The following LRBA variants were observed in gnomAD, a reference collection of about 807,000 sequenced individuals.
LRBA encodes the protein LPS responsive beige-like anchor protein.
A neutral mutation model predicts 330.0 loss-of-function variants in LRBA; 176 were observed. The observed-to-expected ratio is 0.53, with a 90% confidence interval of 0.47 to 0.60. The LOEUF (loss-of-function observed/expected upper bound fraction) is 0.60, where lower values mean the gene tolerates loss of function less well. Ranked by LOEUF, LRBA falls within the 20% of genes least tolerant of loss-of-function variation. The pLI, the probability that LRBA is intolerant of heterozygous loss-of-function variation, is 0.00. For synonymous variants in LRBA, 1,230 were observed against 1,193.0 expected (o/e 1.03, Z -0.64); for missense variants, 3,259 against 3,444.8 (o/e 0.95, Z 1.35).
At chr4:150,932,347 G>A (rs1182537801) in intron 2 of LRBA, among the ~76,000 whole-genome samples, 3 of 148,966 alleles carry the variant, frequency 2.0e-5, no homozygotes, top group Non-Finnish European at 4.4e-5. Flanking sequence ...ATATCTGCTT[G>A]TGGGAACTAG....
chr4:150,344,803 G>A (rs1392826520), intron 48 of LRBA, among the ~76,000 whole-genome samples: 4 of 152,040 alleles, frequency 2.6e-5, no homozygotes, highest in African/African-American at 9.7e-5. Flanking sequence ...CTCTTGCCTT[G>A]GCCTCCAAAA....
intron 29 of LRBA, among the ~76,000 whole-genome samples, chr4:150,831,215 T>A (rs76727083): frequency 1.3e-5 from 2 of 151,484 alleles, no homozygotes; most frequent in Non-Finnish European, 2.9e-5. Flanking sequence ...TTTTTTTTTT[T>A]AGCACTTTCA....
chr4:150,861,810 G>C (rs1464280840), intron 22 of LRBA, among the ~76,000 whole-genome samples: 1 of 151,952 alleles, frequency 6.6e-6, no homozygotes, highest in Non-Finnish European at 1.5e-5. Context: ...CAAACACATT[G>C]TACAGTTGTA....
At chr4:150,874,316 T>G (rs1283059728) in intron 17 of LRBA, among the ~76,000 whole-genome samples, 1 of 152,134 alleles carries the variant, frequency 6.6e-6, no homozygotes, top group African/African-American at 2.4e-5. Context: ...ATGGAGATAC[T>G]GTGAGGGAAA....
intron 44 of LRBA, among the ~76,000 whole-genome samples, chr4:150,451,816 G>T (rs1425497492): frequency 6.6e-6 from 1 of 151,902 alleles, no homozygotes; most frequent in Non-Finnish European, 1.5e-5. Context: ...ATGAATGAAG[G>T]GACAACTTAG....
intron 56 of LRBA, among the ~76,000 whole-genome samples, chr4:150,266,772 G>A (rs1449125189): frequency 6.6e-6 from 1 of 152,184 alleles, no homozygotes; most frequent in Non-Finnish European, 1.5e-5. Flanking sequence ...GGAAGAGATT[G>A]GCAGAATGGA....
At chr4:150,832,841 C>T (rs1747400609) in intron 28 of LRBA, among the ~76,000 whole-genome samples, 1 of 152,102 alleles carries the variant, frequency 6.6e-6, no homozygotes, top group Admixed American at 6.6e-5. Context: ...ACAATCATAG[C>T]TCACTGTACC....
intron 34 of LRBA, among the ~76,000 whole-genome samples, chr4:150,795,608 T>C (rs760791993): frequency 2.6e-5 from 4 of 152,006 alleles, no homozygotes; most frequent in Non-Finnish European, 5.9e-5. Context: ...CCAACTCTAA[T>C]TAATAACATT....
At chr4:150,359,403 T>G (rs896663762) in intron 47 of LRBA, among the ~76,000 whole-genome samples, 1 of 152,082 alleles carries the variant, frequency 6.6e-6, no homozygotes, top group South Asian at 2.1e-4. Flanking sequence ...ATCAAGAAAG[T>G]AGCATCCGGA....
chr4:150,494,999 CAAA>C (rs1011632988), intron 40 of LRBA, among the ~76,000 whole-genome samples: 3 of 124,496 alleles, frequency 2.4e-5, no homozygotes, highest in Admixed American at 8.2e-5. Flanking sequence ...GACTCTGTCT[CAAA>C]AAAAAAAAAA....
At chr4:150,758,396 C>T (rs551673155) in intron 35 of LRBA, among the ~76,000 whole-genome samples, 142 of 152,174 alleles carry the variant, frequency 9.3e-4, no homozygotes, top group Middle Eastern at 3.4e-3. Context: ...AAGAGTGATG[C>T]CTGGCTTTCT....
intron 44 of LRBA, among the ~76,000 whole-genome samples, chr4:150,467,213 T>C (rs571543420): frequency 4.6e-5 from 7 of 152,266 alleles, no homozygotes; most frequent in African/African-American, 1.7e-4. Context: ...ACTTTTTTAA[T>C]AGTCAGTTTG....
intron 40 of LRBA, among the ~76,000 whole-genome samples, chr4:150,509,678 G>C (rs1247782262): frequency 6.6e-6 from 1 of 150,960 alleles, no homozygotes; most frequent in Non-Finnish European, 1.5e-5. Flanking sequence ...CCAGAGATTA[G>C]GGAAAAAAAA....
rs181895660 is a variant in LRBA at position 150,727,301 on chromosome 4, T to C, written c.5754+7957A>G. Among the ~76,000 whole-genome samples the C allele has an allele frequency of 2.5e-3, 381 of 152,186 alleles. 1 individual carries two copies. The highest frequency in any genetic ancestry group is 8.8e-3 in the African/African-American group (365 of 41,548). ...GTTGGCCAGGCTGGTCTCAAACTCC[T>C]GACCTCAGGTGATCCACCTGCCTCA... On this transcript the variant is annotated intron_variant, in intron 36 of 56. Coordinates refer to ENST00000651943, the MANE Select transcript of LRBA (RefSeq NM_001364905.1).
intron 34 of LRBA, among the ~76,000 whole-genome samples, chr4:150,769,745 T>C (rs1736296871): frequency 6.6e-6 from 1 of 152,200 alleles, no homozygotes; most frequent in Non-Finnish European, 1.5e-5. Flanking sequence ...CTAAACAGCC[T>C]GTGACCCAAA....
Position 150,916,409 on chromosome 4 carries a change from G to C in LRBA, c.886C>G (p.Pro296Ala), listed in dbSNP as rs1410696061. Residue 296 changes from proline to alanine, a missense_variant, in exon 7 of 57, where the codon CCA becomes GCA. By Grantham distance (27) the Pro-to-Ala change is conservative (BLOSUM62 -1). Coordinates refer to ENST00000651943, the MANE Select transcript of LRBA (RefSeq NM_001364905.1). Reference protein sequence around the residue: ...FQHCVKFDFKPQKWYMVTIVH... With the variant: ...FQHCVKFDFKAQKWYMVTIVH... ...TCAAGAAGATCATGTACCTTTTGTG[G>C]CTTGAAATCAAATTTCACACAGTGT... 1 of 1,612,782 alleles carries C rather than the reference G, an allele frequency of 6.2e-7. No individual in the cohort carries two copies. The highest frequency in any genetic ancestry group is 8.5e-7 in the Non-Finnish European group (1 of 1,179,578).
At chr4:150,999,262 A>G (rs1743061568) in intron 2 of LRBA, among the ~76,000 whole-genome samples, 1 of 152,172 alleles carries the variant, frequency 6.6e-6, no homozygotes, top group South Asian at 2.1e-4. Flanking sequence ...CAAACAAAAA[A>G]AAAGTATTCA....
At chr4:150,506,419 C>G (rs1761096205) in intron 40 of LRBA, among the ~76,000 whole-genome samples, 2 of 152,290 alleles carry the variant, frequency 1.3e-5, no homozygotes, top group Admixed American at 1.3e-4. Flanking sequence ...AAGGCTGGTT[C>G]AACATATGCA....
intron 44 of LRBA, among the ~76,000 whole-genome samples, chr4:150,463,466 T>A (rs765355737): frequency 1.3e-5 from 2 of 152,080 alleles, no homozygotes; most frequent in Non-Finnish European, 2.9e-5. Context: ...ACATTTCTTA[T>A]GTCTTTGTTT....
Sources: allele counts gnomAD v4.1 joint callset (sites outside exome capture counted in the v4.1 genomes callset), GRCh38; gene constraint gnomAD v4.1.1; transcripts MANE v1.5; gene names NCBI Gene and HGNC (gene_info 2026-07-23, HGNC 2026-07-21).